KCNQ3: variants seen among roughly 807,000 people sequenced by gnomAD.
The protein encoded by KCNQ3 is potassium voltage-gated channel subfamily KQT member 3.
Under a neutral mutation model 92.5 loss-of-function variants are expected in KCNQ3, and 30 were observed. The observed-to-expected ratio is 0.32, with a 90% CI of 0.24 to 0.44. KCNQ3 has a LOEUF of 0.44. KCNQ3 is among the 20% of genes least tolerant of loss of function. The pLI is 1.00. For missense variants in KCNQ3, 913 were observed against 1,140.3 expected (o/e 0.80, Z 2.87); for synonymous variants, 450 against 468.8 (o/e 0.96, Z 0.52).
intron 1 of KCNQ3, among the ~76,000 whole-genome samples, chr8:132,461,432 G>A (rs868389650): frequency 6.6e-6 from 1 of 152,192 alleles, no homozygotes; most frequent in Non-Finnish European, 1.5e-5. Flanking sequence ...GGGCGTGGTG[G>A]TGGGCACCTG....
chr8:132,186,352 A>C (rs1341763218), intron 1 of KCNQ3, among the ~76,000 whole-genome samples, 171 bp from the exon 2 acceptor site: 1 of 152,236 alleles, frequency 6.6e-6, no homozygotes, highest in African/African-American at 2.4e-5. Flanking sequence ...AGGCAGGCGG[A>C]AACAATCATC....
intron 1 of KCNQ3, among the ~76,000 whole-genome samples, chr8:132,275,424 A>G (rs1816290981): frequency 6.6e-6 from 1 of 152,146 alleles, no homozygotes; most frequent in Non-Finnish European, 1.5e-5. Flanking sequence ...CTGTAAAATG[A>G]CATAGAAAGG....
chr8:132,346,089 C>A (rs916216708), intron 1 of KCNQ3, among the ~76,000 whole-genome samples: 2 of 151,736 alleles, frequency 1.3e-5, no homozygotes, highest in African/African-American at 4.9e-5. Context: ...GACAAGATGA[C>A]GATGATGATG....
intron 1 of KCNQ3, among the ~76,000 whole-genome samples, chr8:132,356,599 C>T: frequency 6.6e-6 from 1 of 152,110 alleles, no homozygotes; most frequent in Non-Finnish European, 1.5e-5. Context: ...AGGAGGAAGC[C>T]CCATTTCCTG....
At chr8:132,135,883 G>C (rs1825066547) in intron 12 of KCNQ3, among the ~76,000 whole-genome samples, 2 of 151,972 alleles carry the variant, frequency 1.3e-5, no homozygotes, top group African/African-American at 4.8e-5. Context: ...AATACCAGCA[G>C]TTTGGGAGGC....
chr8:132,217,071 T>C (rs1434870552), intron 1 of KCNQ3, among the ~76,000 whole-genome samples: 1 of 152,188 alleles, frequency 6.6e-6, no homozygotes, highest in Non-Finnish European at 1.5e-5. Context: ...TAAAATTATA[T>C]CTTTTGCATC....
At chr8:132,426,866 C>G (rs1297171918) in intron 1 of KCNQ3, among the ~76,000 whole-genome samples, 2 of 152,208 alleles carry the variant, frequency 1.3e-5, no homozygotes, top group Non-Finnish European at 2.9e-5. Context: ...CACTTCCTCA[C>G]TTTCATGCAT....
intron 1 of KCNQ3, among the ~76,000 whole-genome samples, chr8:132,368,582 G>A (rs746070681): frequency 3.2e-4 from 49 of 152,146 alleles, no homozygotes; most frequent in South Asian, 2.1e-3. Context: ...GGGCCCCGGG[G>A]GTCAAGGCTG....
chr8:132,386,651 C>T (rs924446167), intron 1 of KCNQ3, among the ~76,000 whole-genome samples: 4 of 152,066 alleles, frequency 2.6e-5, no homozygotes, highest in Non-Finnish European at 5.9e-5. Context: ...AGGTTTATTT[C>T]TATGCTATTG....
intron 1 of KCNQ3, among the ~76,000 whole-genome samples, chr8:132,288,298 C>T (rs1816735890): frequency 6.6e-6 from 1 of 152,224 alleles, no homozygotes; most frequent in Admixed American, 6.5e-5. Flanking sequence ...ACCTCATTCT[C>T]ATCAGCATTC....
intron 1 of KCNQ3, among the ~76,000 whole-genome samples, chr8:132,282,531 TC>T (rs989987745): frequency 7.2e-5 from 11 of 152,124 alleles, no homozygotes; most frequent in African/African-American, 2.7e-4. Flanking sequence ...ACAGTGCTTA[TC>T]CCCCCTTGCT....
chr8:132,239,358 A>G (rs1047103132), intron 1 of KCNQ3, among the ~76,000 whole-genome samples: 8 of 152,252 alleles, frequency 5.3e-5, no homozygotes, highest in Non-Finnish European at 1.5e-5. Flanking sequence ...ATAAAAGCTG[A>G]GTGAGAGATT....
intron 1 of KCNQ3, among the ~76,000 whole-genome samples, chr8:132,321,011 A>G (rs1817879377): frequency 6.6e-6 from 1 of 152,246 alleles, no homozygotes; most frequent in South Asian, 2.1e-4. Flanking sequence ...GAGAGTTCAT[A>G]TTCAAATGGT....
chr8:132,187,802 T>C (rs913066664), intron 1 of KCNQ3, among the ~76,000 whole-genome samples: 2 of 143,102 alleles, frequency 1.4e-5, no homozygotes, highest in Non-Finnish European at 1.5e-5. Context: ...GTGGTGGTGA[T>C]AGTGATGGTG....
intron 1 of KCNQ3, among the ~76,000 whole-genome samples, chr8:132,377,593 T>G (rs1368086488): frequency 1.3e-5 from 2 of 152,212 alleles, no homozygotes; most frequent in Non-Finnish European, 2.9e-5. Context: ...CTTGCTTGTT[T>G]CTAGCTCTGG....
chr8:132,246,497 T>C (rs571554005), intron 1 of KCNQ3, among the ~76,000 whole-genome samples: 1 of 152,352 alleles, frequency 6.6e-6, no homozygotes, highest in Non-Finnish European at 1.5e-5. Context: ...AACAACACTT[T>C]AAATCATTAT....
At chr8:132,374,344 T>C (rs752165439) in intron 1 of KCNQ3, among the ~76,000 whole-genome samples, 1 of 152,136 alleles carries the variant, frequency 6.6e-6, no homozygotes, top group Non-Finnish European at 1.5e-5. Context: ...GACTCACTTC[T>C]AGAACAGAGA....
At chr8:132,310,439 G>A (rs1177030352) in intron 1 of KCNQ3, among the ~76,000 whole-genome samples, 3 of 152,148 alleles carry the variant, frequency 2.0e-5, no homozygotes, top group East Asian at 1.9e-4. Flanking sequence ...GCAGGAGTGC[G>A]GGGCAAAGCG....
At chr8:132,275,355 A>T (rs1056045718) in intron 1 of KCNQ3, among the ~76,000 whole-genome samples, 1 of 152,200 alleles carries the variant, frequency 6.6e-6, no homozygotes, top group Non-Finnish European at 1.5e-5. Flanking sequence ...GCCCTTTCAA[A>T]TCAAATAGAA....
Sources: gnomAD v4.1 joint callset for allele counts (sites outside exome capture counted in the v4.1 genomes callset) on GRCh38, gnomAD v4.1.1 for gene constraint, MANE v1.5 for transcripts, NCBI Gene and HGNC (gene_info 2026-07-23, HGNC 2026-07-21) for gene names.